Variants in SGCZ observed in about 807,000 individuals in gnomAD.
The protein encoded by SGCZ is zeta-sarcoglycan.
Under a neutral mutation model 41.3 loss-of-function variants are expected in SGCZ, and 40 were observed. The ratio of observed to expected loss-of-function variants is 0.97; its 90% CI spans 0.75 to 1.26. SGCZ has a LOEUF of 1.26. SGCZ is among the 50% of genes most tolerant of loss of function. The pLI is 0.00. For synonymous variants in SGCZ, 206 were observed against 137.5 expected (o/e 1.50, Z -3.49); for missense variants, 552 against 369.8 (o/e 1.49, Z -4.04).
intron 1 of SGCZ, among the ~76,000 whole-genome samples, chr8:14,818,409 G>C (rs1282228600): frequency 6.6e-6 from 1 of 152,108 alleles, no homozygotes; most frequent in Non-Finnish European, 1.5e-5. Flanking sequence ...AGACCACAGA[G>C]GCTAGCCAGA....
chr8:14,645,270 T>A (rs1045726057), intron 1 of SGCZ, among the ~76,000 whole-genome samples: 1 of 99,916 alleles, frequency 1.0e-5, no homozygotes, highest in Non-Finnish European at 2.0e-5. Flanking sequence ...GATGAAATAT[T>A]TCTTTCTTAT....
At chr8:14,649,291 T>C (rs1400980569) in intron 1 of SGCZ, among the ~76,000 whole-genome samples, 1 of 152,146 alleles carries the variant, frequency 6.6e-6, no homozygotes, top group Non-Finnish European at 1.5e-5. Context: ...GTGTGCAGAC[T>C]CTTGAGCAAC....
At chr8:14,612,438 A>G (rs1805959945) in intron 1 of SGCZ, among the ~76,000 whole-genome samples, 1 of 152,196 alleles carries the variant, frequency 6.6e-6, no homozygotes, top group Admixed American at 6.5e-5. Flanking sequence ...GCCATAAGGA[A>G]GTGTGAGTCA....
intron 1 of SGCZ, among the ~76,000 whole-genome samples, chr8:14,813,341 T>C (rs768721923): frequency 6.6e-6 from 1 of 152,172 alleles, no homozygotes; most frequent in African/African-American, 2.4e-5. Flanking sequence ...TAAATCTGAA[T>C]GTTAATTGAC....
intron 1 of SGCZ, among the ~76,000 whole-genome samples, chr8:14,681,742 C>T (rs1300502646): frequency 6.6e-6 from 1 of 152,050 alleles, no homozygotes; most frequent in Non-Finnish European, 1.5e-5. Flanking sequence ...TTCATCAACC[C>T]TTCTTCTTGG....
At position 14,548,580 on chromosome 8, in the gene SGCZ, C is replaced by G. The variant is rs1198540202; in HGVS notation, c.234+6152G>C. On this transcript the variant is annotated intron_variant, in intron 2 of 7. Coordinates refer to ENST00000382080, the MANE Select transcript of SGCZ (RefSeq NM_139167.4). ...AAAATTCCACGAGAAATGCACATAA[C>G]AAAACATACACCCCTGATTTTATCC... 2.6e-5 allele frequency among the ~76,000 whole-genome samples: 4 copies of G among 152,022 alleles called. No homozygotes were observed. The East Asian group carries it at 7.7e-4, about 29-fold the overall frequency.
At chr8:14,592,379 A>G (rs868429267) in intron 1 of SGCZ, among the ~76,000 whole-genome samples, 3 of 152,096 alleles carry the variant, frequency 2.0e-5, no homozygotes, top group Non-Finnish European at 2.9e-5. Context: ...ATATAGTCCA[A>G]TGTATTTTCT....
intron 1 of SGCZ, among the ~76,000 whole-genome samples, chr8:14,680,970 A>AAAAT (rs1554479473): frequency 6.6e-6 from 1 of 150,740 alleles, no homozygotes; most frequent in African/African-American, 2.4e-5. Flanking sequence ...GTGGGAAAAA[A>AAAAT]AAAAAAAAAA....
chr8:14,982,491 A>G (rs1801700491), intron 1 of SGCZ, among the ~76,000 whole-genome samples: 1 of 152,198 alleles, frequency 6.6e-6, no homozygotes, highest in South Asian at 2.1e-4. Context: ...CAACTCTACT[A>G]CATTTCACAG....
chr8:14,838,358 T>G (rs1194012059), intron 1 of SGCZ, among the ~76,000 whole-genome samples: 2 of 152,136 alleles, frequency 1.3e-5, no homozygotes, highest in Non-Finnish European at 2.9e-5. Flanking sequence ...CTATACCTAG[T>G]CAGTTCTCAG....
At chr8:15,191,931 C>T (rs1365109257) in intron 1 of SGCZ, among the ~76,000 whole-genome samples, 1 of 151,978 alleles carries the variant, frequency 6.6e-6, no homozygotes. Flanking sequence ...AGATTTAGCT[C>T]TCATTATACA....
In SGCZ at chr8:15,138,626, A is replaced by T. The variant is rs534338258; in HGVS notation, c.39+98959T>A. ...TTATAAGTGTCTGGCATTTCCCTTG[A>T]TTGCACTCATTCTCTCTCCTGCCAC... On this transcript the variant is annotated intron_variant, in intron 1 of 7. Coordinates refer to ENST00000382080, the MANE Select transcript of SGCZ (RefSeq NM_139167.4). Among the ~76,000 whole-genome samples, 25 of 152,178 alleles carry T rather than the reference A, an allele frequency of 1.6e-4. No homozygotes were observed. The South Asian group carries it at 3.1e-3, about 19-fold the overall frequency.
chr8:15,232,715 G>T, intron 1 of SGCZ, among the ~76,000 whole-genome samples: 1 of 144,604 alleles, frequency 6.9e-6, no homozygotes, highest in African/African-American at 2.5e-5. Context: ...ACATATATAT[G>T]TGTGTATATA....
chr8:14,686,722 T>A (rs1278869459), intron 1 of SGCZ, among the ~76,000 whole-genome samples: 1 of 151,964 alleles, frequency 6.6e-6, no homozygotes, highest in African/African-American at 2.4e-5. Context: ...GGGAAGAAGG[T>A]TGGAATAGTG....
intron 1 of SGCZ, among the ~76,000 whole-genome samples, chr8:14,897,668 A>G (rs527934710): frequency 1.5e-3 from 232 of 152,350 alleles, no homozygotes; most frequent in African/African-American, 2.4e-3. Flanking sequence ...ATGTCCCTGC[A>G]TAGACTATAC....
At chr8:14,907,302 C>A (rs565671236) in intron 1 of SGCZ, among the ~76,000 whole-genome samples, 2 of 152,186 alleles carry the variant, frequency 1.3e-5, no homozygotes, top group East Asian at 3.9e-4. Flanking sequence ...TCAAGGGATC[C>A]TCTCACCTCA....
At chr8:14,111,532 G>C (rs1461501915) in intron 5 of SGCZ, among the ~76,000 whole-genome samples, 1 of 152,124 alleles carries the variant, frequency 6.6e-6, no homozygotes, top group Admixed American at 6.6e-5. Flanking sequence ...TTGAATAAAT[G>C]TTTGTTTTTC....
At chr8:15,040,385 C>T (rs1481030643) in intron 1 of SGCZ, among the ~76,000 whole-genome samples, 1 of 152,028 alleles carries the variant, frequency 6.6e-6, no homozygotes, top group Non-Finnish European at 1.5e-5. Context: ...AAGGCCGAGG[C>T]GGACGGATCA....
chr8:14,369,467 A>G (rs892341186), intron 2 of SGCZ, among the ~76,000 whole-genome samples: 5 of 152,010 alleles, frequency 3.3e-5, no homozygotes, highest in African/African-American at 1.2e-4. Context: ...TCATAGCTAG[A>G]GGCACTCAAT....
Sources: gnomAD v4.1 joint callset for allele counts (sites outside exome capture counted in the v4.1 genomes callset) on GRCh38, gnomAD v4.1.1 for gene constraint, MANE v1.5 for transcripts, NCBI Gene and HGNC (gene_info 2026-07-23, HGNC 2026-07-21) for gene names.